The following PPP1R9A variants were observed in gnomAD, a reference collection of about 807,000 sequenced individuals.
PPP1R9A encodes neurabin-1.
Under a neutral mutation model 141.9 loss-of-function variants are expected in PPP1R9A, and 59 were observed. The ratio of observed to expected loss-of-function variants is 0.42; its 90% CI spans 0.34 to 0.52. PPP1R9A has a LOEUF of 0.52. PPP1R9A is among the 20% of genes least tolerant of loss of function. The probability of loss-of-function intolerance (pLI) is 0.10; values close to 1 mark genes in which losing one functional copy is unlikely to be tolerated. For synonymous variants in PPP1R9A, 500 were observed against 569.7 expected (o/e 0.88, Z 1.74); for missense variants, 1,444 against 1,611.9 (o/e 0.90, Z 1.78).
At chr7:95,015,272 A>C (rs1584279200) in intron 2 of PPP1R9A, among the ~76,000 whole-genome samples, 2 of 152,076 alleles carry the variant, frequency 1.3e-5, no homozygotes, top group South Asian at 4.1e-4. Flanking sequence ...ACATATACAT[A>C]TATATCTGTT....
At chr7:94,954,992 C>T (rs1009823941) in intron 2 of PPP1R9A, among the ~76,000 whole-genome samples, 2 of 151,762 alleles carry the variant, frequency 1.3e-5, no homozygotes, top group African/African-American at 4.8e-5. Context: ...CTTGTGTTTA[C>T]AAAATTGCTC....
intron 5 of PPP1R9A, among the ~76,000 whole-genome samples, chr7:95,192,929 TATAGGA>T (rs1437074418): frequency 1.3e-5 from 2 of 152,140 alleles, no homozygotes; most frequent in Non-Finnish European, 2.9e-5. Flanking sequence ...CTTAAGAACG[TATAGGA>T]AGGTAATTTG....
At chr7:95,124,600 T>C (rs1337626347) in intron 4 of PPP1R9A, among the ~76,000 whole-genome samples, 3 of 152,182 alleles carry the variant, frequency 2.0e-5, no homozygotes, top group Non-Finnish European at 4.4e-5. Context: ...ACCTCCTTTA[T>C]TGACAGAATT....
At chr7:95,182,126 TACTC>T (rs1833948492) in intron 5 of PPP1R9A, among the ~76,000 whole-genome samples, 1 of 151,890 alleles carries the variant, frequency 6.6e-6, no homozygotes. Flanking sequence ...CTAAAGGACT[TACTC>T]ATGTAACCAA....
chr7:94,989,702 T>G (rs1801267710), intron 2 of PPP1R9A, among the ~76,000 whole-genome samples: 1 of 152,102 alleles, frequency 6.6e-6, no homozygotes, highest in African/African-American at 2.4e-5. Context: ...AACCATCGGC[T>G]TAATGTAACA....
chr7:95,136,820 T>C (rs1256700170), intron 4 of PPP1R9A, among the ~76,000 whole-genome samples: 3 of 152,216 alleles, frequency 2.0e-5, no homozygotes, highest in Non-Finnish European at 4.4e-5. Flanking sequence ...GGTTTAGCTA[T>C]AAGACCCAAG....
At chr7:95,070,705 T>C (rs1165629278) in intron 2 of PPP1R9A, among the ~76,000 whole-genome samples, 1 of 151,118 alleles carries the variant, frequency 6.6e-6, no homozygotes, top group Non-Finnish European at 1.5e-5. Flanking sequence ...TTCAGGATCA[T>C]AAGAAGTGAG....
chr7:94,970,670 C>A (rs2151220551), intron 2 of PPP1R9A, among the ~76,000 whole-genome samples: 1 of 139,534 alleles, frequency 7.2e-6, no homozygotes. Flanking sequence ...GAGTCTCTCT[C>A]TGTTGCCCAG....
At chr7:95,123,856 T>C (rs1489959234) in intron 4 of PPP1R9A, among the ~76,000 whole-genome samples, 1 of 152,160 alleles carries the variant, frequency 6.6e-6, no homozygotes, top group South Asian at 2.1e-4. Context: ...TTCATATATA[T>C]GAAACTGTTC....
At chr7:94,975,531 A>G (rs564054276) in intron 2 of PPP1R9A, among the ~76,000 whole-genome samples, 1 of 152,228 alleles carries the variant, frequency 6.6e-6, no homozygotes, top group African/African-American at 2.4e-5. Flanking sequence ...CACAGTTTCC[A>G]GAACATGAGC....
rs1016479583 is a variant in PPP1R9A at position 95,120,717 on chromosome 7, G to T, written c.1534G>T (p.Asp512Tyr). Residue 512 changes from aspartate to tyrosine, a missense_variant, in exon 4 of 20, where the codon GAT becomes TAT. Physicochemically the swap from Asp to Tyr is radical, Grantham distance 160 (BLOSUM62 -3). This residue lies in a region of PPP1R9A where 488 missense variants were observed against 542.0 expected (regional missense o/e 0.90). Transcript: ENST00000433360. ...CCTTTTTTTCTTTTTAATAGATGAGGATGGTCTTGGTATAAGTATTATTGG... is the reference window on the plus strand; with the variant it reads ...CCTTTTTTTCTTTTTAATAGATGAGTATGGTCTTGGTATAAGTATTATTGG... ...LFPVELEKDE[D>Y]GLGISIIGMG... 16 of 1,611,724 alleles carry T rather than the reference G, an allele frequency of 9.9e-6. No individual in the cohort carries two copies. Among genetic ancestry groups the T allele is most frequent in the Non-Finnish European group, 1.4e-5 (16 of 1,179,102 alleles).
At chr7:95,103,642 A>G (rs1287593280) in intron 2 of PPP1R9A, among the ~76,000 whole-genome samples, 1 of 152,142 alleles carries the variant, frequency 6.6e-6, no homozygotes, top group Non-Finnish European at 1.5e-5. Flanking sequence ...TGCTGGGATT[A>G]CAGGCGTGAG....
At chr7:95,155,860 G>A (rs1465335785) in intron 4 of PPP1R9A, 1 of 152,064 alleles carries the variant, frequency 6.6e-6, no homozygotes, top group Non-Finnish European at 1.5e-5. Context: ...TGACAATAAA[G>A]CATTATTTTG....
At position 94,922,862 on chromosome 7, in the gene PPP1R9A, A is replaced by G. The variant is rs77440389; in HGVS notation, c.1395+11354A>G. On this transcript the variant is annotated intron_variant, in intron 2 of 19. Coordinates refer to ENST00000433360, the MANE Select transcript of PPP1R9A (RefSeq NM_001166160.2). The stretch of plus-strand genomic sequence containing the variant: ...AATTACATTAAAAGATAGTGGTGGG[A>G]CACAATTGGAATGATCAGCAATAAC... Among the ~76,000 whole-genome samples the G allele has an allele frequency of 8.9e-3, 1,360 of 152,262 alleles. 7 individuals carry two copies. Among genetic ancestry groups the G allele is most frequent in the Non-Finnish European group, 0.014 (938 of 67,966 alleles).
intron 5 of PPP1R9A, among the ~76,000 whole-genome samples, chr7:95,176,900 G>A (rs760605039): frequency 5.3e-5 from 8 of 152,106 alleles, no homozygotes; most frequent in South Asian, 2.1e-4. Flanking sequence ...AATAATCAGC[G>A]TTCCTGAGGA....
At chr7:95,078,226 C>T (rs561467949) in intron 2 of PPP1R9A, among the ~76,000 whole-genome samples, 23 of 148,848 alleles carry the variant, frequency 1.5e-4, no homozygotes, top group African/African-American at 4.7e-4. Flanking sequence ...TGAGAATATG[C>T]GGTGTTTGGT....
At chr7:95,225,620 A>G (rs1795032538) in intron 7 of PPP1R9A, among the ~76,000 whole-genome samples, 1 of 152,164 alleles carries the variant, frequency 6.6e-6, no homozygotes, top group Non-Finnish European at 1.5e-5. Context: ...ATTCACAAAG[A>G]GAATTTAAAG....
At chr7:95,221,263 T>C (rs775358423) in intron 7 of PPP1R9A, among the ~76,000 whole-genome samples, 7 of 152,136 alleles carry the variant, frequency 4.6e-5, no homozygotes, top group Non-Finnish European at 1.0e-4. Flanking sequence ...AGCTTTCTTA[T>C]GCTAAGGAAC....
At chr7:95,261,249 A>G (rs982631022) in intron 12 of PPP1R9A, among the ~76,000 whole-genome samples, 2 of 152,216 alleles carry the variant, frequency 1.3e-5, no homozygotes, top group Non-Finnish European at 2.9e-5. Flanking sequence ...TTAAAACTGA[A>G]CAGATGAACA....
Sources: allele counts gnomAD v4.1 joint callset (sites outside exome capture counted in the v4.1 genomes callset), GRCh38; gene constraint gnomAD v4.1.1; regional missense constraint gnomAD v4.1.1; transcripts MANE v1.5; gene names NCBI Gene and HGNC (gene_info 2026-07-23, HGNC 2026-07-21).